Variants in LMF1 observed in about 807,000 individuals in gnomAD.
LMF1 encodes the protein lipase maturation factor 1.
In LMF1, 68 loss-of-function variants were observed where a neutral mutation model predicts 60.6. That is an observed-to-expected ratio of 1.12 (90% confidence interval 0.92 to 1.37). The LOEUF (loss-of-function observed/expected upper bound fraction) is 1.37, where lower values mean the gene tolerates loss of function less well. Ranked by LOEUF, LMF1 falls within the 40% of genes most tolerant of loss-of-function variation. LMF1 has a pLI of 0.00. For synonymous variants in LMF1, 418 were observed against 324.7 expected, an observed-to-expected ratio of 1.29 and a Z score of -3.09; for missense variants, 948 against 767.2, an observed-to-expected ratio of 1.24 and a Z score of -2.78.
intron 1 of LMF1, among the ~76,000 whole-genome samples, chr16:956,137 C>T (rs1341508277): frequency 4.2e-5 from 4 of 95,258 alleles, no homozygotes; most frequent in Admixed American, 1.0e-4. Flanking sequence ...ACTGTCACAT[C>T]CACAGGTCTC....
chr16:877,061 C>T (rs544661580), intron 6 of LMF1, among the ~76,000 whole-genome samples: 4 of 152,230 alleles, frequency 2.6e-5, no homozygotes, highest in Admixed American at 1.3e-4. Flanking sequence ...GCCTTGAGGC[C>T]GGGCGCACAC....
At chr16:918,440 T>C (rs2071338616) in intron 3 of LMF1, among the ~76,000 whole-genome samples, 1 of 152,238 alleles carries the variant, frequency 6.6e-6, no homozygotes, top group Non-Finnish European at 1.5e-5. Context: ...TCCACGGAAA[T>C]TAGACTTCGC....
intron 2 of LMF1, 70 bp from the exon 3 acceptor site, chr16:934,324 A>C: frequency 6.3e-7 from 1 of 1,584,800 alleles, no homozygotes; most frequent in Non-Finnish European, 8.6e-7. Flanking sequence ...CTGTTTCCCC[A>C]CTGAGTGAAG....
At chr16:875,359 G>A (rs1490674670) in intron 6 of LMF1, among the ~76,000 whole-genome samples, 2 of 152,110 alleles carry the variant, frequency 1.3e-5, no homozygotes, top group East Asian at 1.9e-4. Flanking sequence ...ACCAGGGCCC[G>A]TTGGTCCAAT....
rs577690844 is a variant in LMF1, at chr16:889,100, G to A, written c.729+3907C>T. Among the ~76,000 whole-genome samples, 15 of 152,352 alleles carry A rather than the reference G, an allele frequency of 9.8e-5. 1 individual carries two copies. The highest frequency in any genetic ancestry group is 3.6e-4 in the African/African-American group (15 of 41,572). On this transcript the variant is annotated intron_variant, in intron 5 of 10. Coordinates refer to ENST00000262301, the MANE Select transcript of LMF1 (RefSeq NM_022773.4). Reference sequence around the variant, plus strand: ...CACTCACCCTGGGTAGAGGTCGTCAGAACTGAGTTAGCTGCAGGGCACCCT... The same window carrying A: ...CACTCACCCTGGGTAGAGGTCGTCAAAACTGAGTTAGCTGCAGGGCACCCT...
intron 2 of LMF1, among the ~76,000 whole-genome samples, chr16:943,251 G>C (rs1056807920): frequency 9.2e-5 from 14 of 151,512 alleles, no homozygotes; most frequent in Non-Finnish European, 1.6e-4. Flanking sequence ...GGCGCCTGTA[G>C]TCCCAGCTAC....
chr16:889,066 C>G (rs549112914), intron 5 of LMF1, among the ~76,000 whole-genome samples: 1 of 152,156 alleles, frequency 6.6e-6, no homozygotes. Flanking sequence ...CCTTGGCCTG[C>G]GGGGTCTGCA....
chr16:959,390 C>T (rs893021480), intron 1 of LMF1, among the ~76,000 whole-genome samples: 2 of 152,126 alleles, frequency 1.3e-5, no homozygotes, highest in African/African-American at 2.4e-5. Context: ...GGGAGACAGA[C>T]CCGGGCGTGC....
chr16:951,058 CAG>C lies in LMF1; in HGVS notation c.503+3297_503+3298del, dbSNP rs1362199512. Among the ~76,000 whole-genome samples the C allele has an allele frequency of 1.7e-3, 98 of 57,658 alleles. 2 individuals are homozygous for C. The highest frequency in any genetic ancestry group is 3.4e-3 in the South Asian group (4 of 1,184). The allele number at this position is 57,658 out of a possible 152,430, so 37.8% of individuals were successfully genotyped here. A position where few individuals can be genotyped will look rare whatever the true frequency, so the allele number is the denominator to read the frequency against. ...AGCCAATGACAGAGTCAGCCAATGA[CAG>C]AGTCAGCCGACAGAGTCAGCCAACG... On this transcript the variant is annotated intron_variant, in intron 2 of 10. Coordinates refer to ENST00000262301, the MANE Select transcript of LMF1 (RefSeq NM_022773.4).
At chr16:915,790 G>T (rs892646512) in intron 3 of LMF1, among the ~76,000 whole-genome samples, 4 of 152,220 alleles carry the variant, frequency 2.6e-5, no homozygotes, top group African/African-American at 7.2e-5. Flanking sequence ...CGACTGCGGT[G>T]CCTCAGGCGG....
intron 1 of LMF1, among the ~76,000 whole-genome samples, chr16:958,855 C>T (rs935736233): frequency 1.3e-5 from 2 of 152,038 alleles, no homozygotes; most frequent in East Asian, 3.9e-4. Context: ...CCACTGCACT[C>T]CAGCCTCGGC....
In LMF1 at chr16:874,203, C is replaced by T. The variant is rs560730021; in HGVS notation, c.898-2862G>A. Among the ~76,000 whole-genome samples, 5 of 152,322 alleles carry T rather than the reference C, an allele frequency of 3.3e-5. No homozygotes were observed. Among genetic ancestry groups the T allele is most frequent in the South Asian group, 2.1e-4 (1 of 4,824 alleles). ...GTTATCTGTGTTGTTTCATCACAAC[C>T]GAAACACAGCTAAGGGCCGGTGAGC... On this transcript the variant is annotated intron_variant, in intron 6 of 10. Coordinates refer to ENST00000262301, the MANE Select transcript of LMF1 (RefSeq NM_022773.4). The surrounding 1 kb of genome is among the most constrained non-coding windows in gnomAD (Gnocchi z 4.1).
chr16:948,245 A>C (rs66532042), intron 2 of LMF1, among the ~76,000 whole-genome samples: 58,867 of 127,212 alleles, frequency 0.46, 16,509 homozygotes, highest in African/African-American at 0.71. Context: ...GAGTTACAGA[A>C]AATGACAGAG....
chr16:958,750 A>G (rs2729576), intron 1 of LMF1, among the ~76,000 whole-genome samples: 21,234 of 152,088 alleles, frequency 0.14, 1,825 homozygotes, highest in African/African-American at 0.25. Flanking sequence ...AGCTGGGCAT[A>G]GTGGTGCACA....
chr16:911,234 G>T, intron 3 of LMF1, 155 bp from the exon 4 acceptor site: 1 of 876,148 alleles, frequency 1.1e-6, no homozygotes, highest in Non-Finnish European at 1.9e-6. Flanking sequence ...TCTCAACATC[G>T]ACACGCAAGG....
At chr16:917,796 G>T (rs1198524303) in intron 3 of LMF1, among the ~76,000 whole-genome samples, 1 of 152,224 alleles carries the variant, frequency 6.6e-6, no homozygotes, top group East Asian at 1.9e-4. Context: ...CCTGACCGTG[G>T]GCTCCTTCCC....
chr16:935,504 A>G (rs959088784), intron 2 of LMF1, among the ~76,000 whole-genome samples: 3 of 151,878 alleles, frequency 2.0e-5, no homozygotes, highest in African/African-American at 7.3e-5. Context: ...CGTGGGCCAC[A>G]ATGGAAGAAG....
At chr16:902,864 C>T (rs1176084972) in intron 4 of LMF1, among the ~76,000 whole-genome samples, 2 of 44,594 alleles carry the variant, frequency 4.5e-5, no homozygotes, top group Non-Finnish European at 4.2e-5. Flanking sequence ...GACCTCTGCA[C>T]TGCCCACAGG....
At chr16:950,503 AGAT>A (rs1260716649) in intron 2 of LMF1, among the ~76,000 whole-genome samples, 32 of 98,652 alleles carry the variant, frequency 3.2e-4, no homozygotes, top group South Asian at 4.4e-4. Flanking sequence ...ACAGAGTCAG[AGAT>A]GACAGAGTCA....
Sources: allele counts gnomAD v4.1 joint callset (sites outside exome capture counted in the v4.1 genomes callset), GRCh38; gene constraint gnomAD v4.1.1; non-coding constraint Gnocchi (gnomAD v3.1); transcripts MANE v1.5; gene names NCBI Gene and HGNC (gene_info 2026-07-23, HGNC 2026-07-21).